The following CDH18 variants were observed in gnomAD, a reference collection of about 807,000 sequenced individuals.
The protein encoded by CDH18 is cadherin 18.
A neutral mutation model predicts 67.9 loss-of-function variants in CDH18; 31 were observed. The observed-to-expected ratio is 0.46, with a 90% confidence interval of 0.34 to 0.62. The LOEUF is 0.62. CDH18 is among the 20% of genes least tolerant of loss of function. The pLI is 0.01. For synonymous variants in CDH18, 362 were observed against 347.2 expected (o/e 1.04, Z -0.48); for missense variants, 890 against 975.5 (o/e 0.91, Z 1.17).
At chr5:19,916,283 A>G (rs924292427) in intron 2 of CDH18, among the ~76,000 whole-genome samples, 5 of 152,176 alleles carry the variant, frequency 3.3e-5, no homozygotes, top group African/African-American at 1.2e-4. Context: ...CAAAAACTCC[A>G]TGCTCACCAC....
chr5:19,578,691 T>C (rs1005842155), intron 7 of CDH18, among the ~76,000 whole-genome samples: 1 of 152,046 alleles, frequency 6.6e-6, no homozygotes, highest in East Asian at 1.9e-4. Context: ...CTTTGATATG[T>C]TTAGAATTAC....
intron 2 of CDH18, among the ~76,000 whole-genome samples, chr5:20,177,791 T>A (rs369971935): frequency 6.6e-6 from 1 of 152,090 alleles, no homozygotes; most frequent in African/African-American, 2.4e-5. Flanking sequence ...ATAAGTCTCA[T>A]GAAATCTGAT....
intron 2 of CDH18, among the ~76,000 whole-genome samples, chr5:19,951,333 G>C (rs1057408241): frequency 5.3e-5 from 8 of 152,172 alleles, no homozygotes; most frequent in African/African-American, 1.9e-4. Flanking sequence ...TAGAAATCAT[G>C]TAACTAGAAC....
intron 1 of CDH18, among the ~76,000 whole-genome samples, chr5:20,438,201 G>A (rs565879641): frequency 6.7e-6 from 1 of 149,916 alleles, no homozygotes; most frequent in East Asian, 2.0e-4. Context: ...AATGAATTTT[G>A]TATAGAGTCA....
At chr5:20,329,590 C>T (rs964918955) in intron 1 of CDH18, among the ~76,000 whole-genome samples, 2 of 151,572 alleles carry the variant, frequency 1.3e-5, no homozygotes, top group African/African-American at 2.4e-5. Flanking sequence ...TGGTGAAACC[C>T]CATCTCTACT....
At chr5:19,524,995 T>C (rs946397899) in intron 9 of CDH18, among the ~76,000 whole-genome samples, 5 of 152,188 alleles carry the variant, frequency 3.3e-5, no homozygotes, top group Admixed American at 2.0e-4. Flanking sequence ...TCCGCCGGCC[T>C]CGGTCTCCCA....
intron 2 of CDH18, among the ~76,000 whole-genome samples, chr5:20,067,383 T>A (rs963947545): frequency 5.3e-5 from 8 of 151,586 alleles, no homozygotes; most frequent in African/African-American, 1.9e-4. Flanking sequence ...TCTTTTGCTG[T>A]ATGCGCTCAT....
intron 1 of CDH18, among the ~76,000 whole-genome samples, chr5:20,270,181 A>C (rs2126661534): frequency 6.6e-6 from 1 of 152,290 alleles, no homozygotes; most frequent in Admixed American, 6.5e-5. Context: ...ATAAAGACAT[A>C]AATCACCTAG....
chr5:20,285,476 A>G (rs1455457416), intron 1 of CDH18, among the ~76,000 whole-genome samples: 6 of 149,392 alleles, frequency 4.0e-5, no homozygotes, highest in African/African-American at 1.5e-4. Flanking sequence ...CATGTTCTTG[A>G]CCATCCATTG....
intron 6 of CDH18, among the ~76,000 whole-genome samples, chr5:19,608,521 T>G (rs1355554322): frequency 1.3e-5 from 2 of 151,314 alleles, no homozygotes; most frequent in Non-Finnish European, 3.0e-5. Context: ...CCAAAAAAAA[T>G]CAATGCCAAT....
intron 2 of CDH18, among the ~76,000 whole-genome samples, chr5:20,029,761 T>C (rs1739223729): frequency 1.3e-5 from 2 of 152,346 alleles, no homozygotes. Flanking sequence ...CTGTATTAGT[T>C]TCTTTTCCTG....
At chr5:19,897,950 G>C (rs1037272138) in intron 2 of CDH18, among the ~76,000 whole-genome samples, 44 of 152,132 alleles carry the variant, frequency 2.9e-4, no homozygotes, top group African/African-American at 9.6e-4. Context: ...TGGATGAAGG[G>C]AACATGGGTG....
chr5:19,588,665 G>A (rs527239310), intron 7 of CDH18, among the ~76,000 whole-genome samples: 6 of 152,036 alleles, frequency 3.9e-5, no homozygotes, highest in East Asian at 1.9e-4. Flanking sequence ...CCCATCTCAC[G>A]TGCAAAGACA....
intron 3 of CDH18, 145 bp downstream of exon 3, chr5:19,838,614 A>G (rs1466544743): frequency 1.1e-5 from 7 of 614,126 alleles, no homozygotes; most frequent in South Asian, 2.0e-5. Context: ...GCTCTCTAGT[A>G]TAAGTAGTAG....
At chr5:19,962,395 A>AAAAAAAAAAAAAAAAAAAAAAAAAAAT (rs58319680) in intron 2 of CDH18, among the ~76,000 whole-genome samples, 1 of 117,058 alleles carries the variant, frequency 8.5e-6, no homozygotes, top group Admixed American at 9.8e-5. Flanking sequence ...AAAAAAAAAA[A>AAAAAAAAAAAAAAAAAAAAAAAAAAAT]AGAAAATTCA....
At chr5:20,334,525 C>T (rs1024499295) in intron 1 of CDH18, among the ~76,000 whole-genome samples, 1 of 151,924 alleles carries the variant, frequency 6.6e-6, no homozygotes, top group Admixed American at 6.6e-5. Context: ...CAGGAAAAAA[C>T]GATTGAAGAC....
At chr5:19,707,473 C>T (rs1764117832) in intron 5 of CDH18, among the ~76,000 whole-genome samples, 2 of 152,144 alleles carry the variant, frequency 1.3e-5, no homozygotes, top group Admixed American at 6.5e-5. Context: ...GCTGGACCCC[C>T]CAGTGGAGGT....
At chr5:20,211,463 C>T (rs1740348292) in intron 2 of CDH18, among the ~76,000 whole-genome samples, 1 of 152,152 alleles carries the variant, frequency 6.6e-6, no homozygotes, top group Admixed American at 6.5e-5. Context: ...CCCTGACCCC[C>T]CGAGTAGCCT....
intron 2 of CDH18, among the ~76,000 whole-genome samples, chr5:20,239,736 G>A (rs1454255502): frequency 6.6e-6 from 1 of 152,050 alleles, no homozygotes; most frequent in African/African-American, 2.4e-5. Context: ...ATAGTTAAGT[G>A]AGAATATGAA....
Sources: gnomAD v4.1 joint callset for allele counts (sites outside exome capture counted in the v4.1 genomes callset) on GRCh38, gnomAD v4.1.1 for gene constraint, MANE v1.5 for transcripts, NCBI Gene and HGNC (gene_info 2026-07-23, HGNC 2026-07-21) for gene names.